The following OTUD7B variants were observed in gnomAD, a reference collection of about 807,000 sequenced individuals.
OTUD7B encodes the protein OTU domain-containing protein 7B.
OTUD7B carries 34 observed loss-of-function variants against 82.2 expected under a neutral mutation model. That is an observed-to-expected ratio of 0.41 (90% CI 0.31 to 0.55). The LOEUF (loss-of-function observed/expected upper bound fraction) is 0.55. Ranked by LOEUF, OTUD7B falls within the 20% of genes least tolerant of loss-of-function variation. The pLI is 0.20. For synonymous variants in OTUD7B, 398 were observed against 402.7 expected (o/e 0.99, Z 0.14); for missense variants, 944 against 1,062.1 (o/e 0.89, Z 1.55).
At chr1:149,979,318 A>G (rs1650553138) in intron 1 of OTUD7B, among the ~76,000 whole-genome samples, 1 of 152,144 alleles carries the variant, frequency 6.6e-6, no homozygotes, top group Non-Finnish European at 1.5e-5. Context: ...TCTCCTTTCC[A>G]AAGGGACATC....
At chr1:149,978,776 A>G (rs1464007147) in intron 1 of OTUD7B, among the ~76,000 whole-genome samples, 1 of 152,236 alleles carries the variant, frequency 6.6e-6, no homozygotes, top group Non-Finnish European at 1.5e-5. Flanking sequence ...TAAAAGTCAG[A>G]GGGAAGCAAT....
the OTUD7B span, among the ~76,000 whole-genome samples, chr1:150,059,297 C>CA: frequency 2.0e-4 from 3 of 15,170 alleles, no homozygotes; most frequent in South Asian, 4.0e-3. Context: ...TCGTGATCCA[C>CA]CCCCCCCCCC....
chr1:150,024,020 T>C, the OTUD7B span, among the ~76,000 whole-genome samples: 5 of 152,226 alleles, frequency 3.3e-5, no homozygotes, highest in Non-Finnish European at 7.3e-5. Flanking sequence ...ATTACCTTCC[T>C]AATTTTGACA....
Position 149,971,407 on chromosome 1 carries a change from A to G in OTUD7B, c.86-156T>C, listed in dbSNP as rs1480048323. On this transcript the variant is annotated intron_variant, in intron 2 of 11. Transcript: ENST00000581312. ...CTTTAATTTTCTTTATAACACTTCAATCTAACTTATCAAATGTCTTTACTT... is the reference window on the plus strand; with the variant it reads ...CTTTAATTTTCTTTATAACACTTCAGTCTAACTTATCAAATGTCTTTACTT... 2.5e-5 allele frequency: 11 copies of G among 437,538 alleles called. No homozygotes were observed. In the East Asian group the frequency reaches 3.8e-4, roughly 15 times the overall value. The allele number at this position is 437,538 out of a possible 1,614,324, so 27.1% of individuals were successfully genotyped here.
chr1:150,043,309 C>T, the OTUD7B span, among the ~76,000 whole-genome samples: 1 of 151,852 alleles, frequency 6.6e-6, no homozygotes, highest in African/African-American at 2.4e-5. Context: ...TGTTAGGACC[C>T]GTGTCATATA....
chr1:150,054,163 C>T, the OTUD7B span: 3 of 368,408 alleles, frequency 8.1e-6, no homozygotes, highest in South Asian at 5.0e-5. Context: ...GTGGCAAGAA[C>T]GGTGGTACGC....
chr1:149,956,426 C>G (rs1648678453), intron 7 of OTUD7B, among the ~76,000 whole-genome samples: 1 of 146,514 alleles, frequency 6.8e-6, no homozygotes, highest in South Asian at 2.1e-4. Flanking sequence ...ATGGGCTTCC[C>G]TTTGTGGGTA....
intron 1 of OTUD7B, among the ~76,000 whole-genome samples, chr1:150,009,054 T>C (rs1432698672): frequency 6.6e-6 from 1 of 152,222 alleles, no homozygotes; most frequent in South Asian, 2.1e-4. Flanking sequence ...GGTTGGTTAC[T>C]GAACGTTAAA....
At chr1:149,972,785 G>A (rs1365513763) in intron 2 of OTUD7B, among the ~76,000 whole-genome samples, 2 of 152,146 alleles carry the variant, frequency 1.3e-5, no homozygotes, top group African/African-American at 2.4e-5. Context: ...ATGCATGAAC[G>A]AGTGACATCT....
the OTUD7B span, among the ~76,000 whole-genome samples, chr1:150,050,713 T>A: frequency 2.6e-5 from 4 of 152,134 alleles, no homozygotes; most frequent in African/African-American, 4.8e-5. Context: ...GCATTTTCCC[T>A]CATTCACATA....
chr1:150,003,528 T>C (rs1046147234), intron 1 of OTUD7B, among the ~76,000 whole-genome samples: 7 of 152,296 alleles, frequency 4.6e-5, no homozygotes, highest in African/African-American at 1.7e-4. Context: ...AAGGCAGAAC[T>C]GACCCTTGGG....
At position 149,971,201 on chromosome 1, in the gene OTUD7B, G is replaced by C. The variant is rs1571656741; in HGVS notation, c.136C>G (p.Gln46Glu). 3.1e-6 allele frequency: 5 copies of C among 1,613,310 alleles called. No homozygotes were observed. Among genetic ancestry groups the C allele is most frequent in the Non-Finnish European group, 4.2e-6 (5 of 1,179,412 alleles). ...GGGGGTAGGTTTCCAGCATGGACTT[G>C]ACGTAGCTGTTCAAAATCACTGAGG... The part of the protein sequence containing the change: ...AALSDFEQLR[Q>E]VHAGNLPPSF... The change falls in exon 3 of 12, where the codon CAA (glutamine) becomes GAA (glutamate). Residue 46 changes from glutamine (Q) to glutamate (E), a missense_variant. Physicochemically the swap from Gln to Glu is conservative, Grantham distance 29. This residue lies in a region of OTUD7B where 530 missense variants were observed against 625.6 expected (regional missense o/e 0.85). Coordinates refer to ENST00000581312, the MANE Select transcript of OTUD7B (RefSeq NM_020205.4).
chr1:149,994,604 A>C (rs1651806620), intron 1 of OTUD7B, among the ~76,000 whole-genome samples: 1 of 146,434 alleles, frequency 6.8e-6, no homozygotes, highest in Non-Finnish European at 1.5e-5. Flanking sequence ...AAAAAAAAAA[A>C]AACCCAATTT....
the OTUD7B span, among the ~76,000 whole-genome samples, chr1:150,043,662 C>T: frequency 3.5e-4 from 53 of 152,118 alleles, no homozygotes; most frequent in Non-Finnish European, 5.4e-4. Context: ...CACTACATTC[C>T]CTTGCAACTC....
In OTUD7B at chr1:149,965,678, C is replaced by T. The variant is rs1348155963; in HGVS notation, c.604+99G>A. On this transcript the variant is annotated intron_variant, in intron 5 of 11. Transcript: ENST00000581312. ...CAATCTCGCTCTGAACCATCATTTC[C>T]GCCTAAGATCAAGGTTATCTGGATC... 45 of 807,694 alleles carry T rather than the reference C, an allele frequency of 5.6e-5. No homozygotes were observed. The South Asian group carries it at 5.8e-4, about 10-fold the overall frequency. 50.0% of individuals were successfully genotyped at this position (807,694 alleles called of 1,614,324 possible).
chr1:150,060,226 G>T, the OTUD7B span, among the ~76,000 whole-genome samples: 5 of 152,302 alleles, frequency 3.3e-5, no homozygotes, highest in East Asian at 9.6e-4. Flanking sequence ...GATGAACTGT[G>T]TCCCTGCAAA....
chr1:150,049,647 T>TTTG, the OTUD7B span, among the ~76,000 whole-genome samples: 1 of 148,988 alleles, frequency 6.7e-6, no homozygotes, highest in South Asian at 2.2e-4. Flanking sequence ...TTTTTTTTTT[T>TTTG]TTTTTGAGAC....
rs1184011248 is a variant in OTUD7B at position 149,943,807 on chromosome 1, A to G, written c.*50T>C. The G allele has an allele frequency of 1.2e-5, 18 of 1,549,458 alleles. No homozygotes were observed. Among genetic ancestry groups the G allele is most frequent in the Admixed American group, 1.7e-5 (1 of 58,416 alleles). ...GGACTGTGTTCTTGATGAGCCAATTAGTTGAGCTTAACTTTGTTTAGCCTC... is the reference window on the plus strand; with the variant it reads ...GGACTGTGTTCTTGATGAGCCAATTGGTTGAGCTTAACTTTGTTTAGCCTC... On this transcript the variant is annotated 3_prime_UTR_variant, in exon 12 of 12. Transcript: ENST00000581312.
At chr1:150,001,953 A>G (rs1029294864) in intron 1 of OTUD7B, among the ~76,000 whole-genome samples, 2 of 152,234 alleles carry the variant, frequency 1.3e-5, no homozygotes, top group African/African-American at 4.8e-5. Context: ...GTTCTCCTCC[A>G]GCAAAAGTGA....
Sources: gnomAD v4.1 joint callset for allele counts (sites outside exome capture counted in the v4.1 genomes callset) on GRCh38, gnomAD v4.1.1 for gene constraint, gnomAD v4.1.1 regional missense constraint, MANE v1.5 for transcripts, NCBI Gene and HGNC (gene_info 2026-07-23, HGNC 2026-07-21) for gene names.